The following RP1 variants were observed in gnomAD, a reference collection of about 807,000 sequenced individuals.
RP1 encodes the protein oxygen-regulated protein 1.
Under a neutral mutation model 14.8 loss-of-function variants are expected in RP1, and 16 were observed. The observed-to-expected ratio is 1.08, with a 90% CI of 0.73 to 1.65. RP1 has a LOEUF of 1.65. Among genes scored for constraint, RP1 ranks in the 40% most tolerant of loss-of-function variants. RP1 has a pLI of 0.00. For synonymous variants in RP1, 876 were observed against 883.6 expected, an observed-to-expected ratio of 0.99 and a Z score of 0.15; for missense variants, 2,631 against 2,535.0, an observed-to-expected ratio of 1.04 and a Z score of -0.81.
chr8:54,629,585 T>A lies in RP1; in HGVS notation c.5703T>A (p.Leu1901=). The A allele has an allele frequency of 6.2e-7, 1 of 1,614,046 alleles. No homozygotes were observed. The highest frequency in any genetic ancestry group is 8.5e-7 in the Non-Finnish European group (1 of 1,179,990). The change falls in exon 4 of 4, where the codon CTT becomes CTA. Residue 1901 remains leucine (L), a synonymous_variant. Coordinates refer to ENST00000220676, the MANE Select transcript of RP1 (RefSeq NM_006269.2). ...GCAGTAATATGATTCATGGTACACT[T>A]CAGGAAGCTGACTCTTTGGATAAAC... ...LPGSNMIHGT[L]QEADSLDKLY... is the part of the protein sequence containing the mutation.
intron 14 of RP1, among the ~76,000 whole-genome samples, chr8:54,702,488 T>C (rs547863366): frequency 6.6e-6 from 1 of 152,176 alleles, no homozygotes; most frequent in African/African-American, 2.4e-5. Flanking sequence ...AATTTAAAAA[T>C]ATTTTAGTGC....
At chr8:54,703,480 T>C (rs1036258164) in intron 14 of RP1, among the ~76,000 whole-genome samples, 2 of 152,194 alleles carry the variant, frequency 1.3e-5, no homozygotes, top group African/African-American at 4.8e-5. Context: ...TAAATAGATA[T>C]GCTGTCCTTC....
At chr8:54,714,252 A>G (rs1808353043) in intron 15 of RP1, among the ~76,000 whole-genome samples, 1 of 152,302 alleles carries the variant, frequency 6.6e-6, no homozygotes, top group African/African-American at 2.4e-5. Flanking sequence ...AACAAAGATA[A>G]TAACAGTCCC....
rs757348446 is a variant in RP1, at chr8:54,621,564, G to A, written c.598G>A (p.Ala200Thr). The change falls in exon 2 of 4, where the codon GCT becomes ACT. Residue 200 changes from alanine (A) to threonine (T), a missense_variant. Physicochemically the swap from Ala to Thr is moderately conservative, Grantham distance 58. Transcript: ENST00000220676. ...GCAGCGCCCTGTGGTCAAGCTGTAC[G>A]CTACGGACGGAAGGAGGGTGAGCGT... ...VMQRPVVKLYATDGRRVPSLQ... is the reference protein window; with the variant it reads ...VMQRPVVKLYTTDGRRVPSLQ... 1 of 1,614,154 alleles carries A rather than the reference G, an allele frequency of 6.2e-7. No homozygotes were observed. Among genetic ancestry groups the A allele is most frequent in the Non-Finnish European group, 8.5e-7 (1 of 1,180,014 alleles).
chr8:54,646,895 T>C (rs1474743340), intron 3 of RP1, among the ~76,000 whole-genome samples: 1 of 152,178 alleles, frequency 6.6e-6, no homozygotes, highest in Non-Finnish European at 1.5e-5. Context: ...AGAACTAACA[T>C]ACCAGTCATC....
intron 1 of RP1, among the ~76,000 whole-genome samples, chr8:54,567,654 T>A (rs1324416833): frequency 6.6e-6 from 1 of 152,178 alleles, no homozygotes; most frequent in Non-Finnish European, 1.5e-5. Flanking sequence ...ACCCTTCTTT[T>A]GTGTGGTAGA....
chr8:54,650,144 T>A (rs1000843511), intron 4 of RP1, among the ~76,000 whole-genome samples: 3 of 152,216 alleles, frequency 2.0e-5, no homozygotes, highest in African/African-American at 7.2e-5. Flanking sequence ...AGGAACACCC[T>A]TAACCCCTCA....
intron 6 of RP1, among the ~76,000 whole-genome samples, chr8:54,662,367 C>A (rs1806919412): frequency 6.6e-6 from 1 of 152,064 alleles, no homozygotes; most frequent in Non-Finnish European, 1.5e-5. Flanking sequence ...TTGGATCTTT[C>A]TTTTGGTCCT....
At chr8:54,759,632 C>G (rs1000950412) in intron 22 of RP1, among the ~76,000 whole-genome samples, 5 of 152,188 alleles carry the variant, frequency 3.3e-5, no homozygotes, top group African/African-American at 1.2e-4. Flanking sequence ...TTCAAATCTC[C>G]TCATAGAAAT....
intron 25 of RP1, among the ~76,000 whole-genome samples, chr8:54,841,421 A>G (rs1294783553): frequency 1.3e-5 from 2 of 152,214 alleles, no homozygotes; most frequent in Non-Finnish European, 2.9e-5. Flanking sequence ...AGTAGCACAA[A>G]AAGAGTGGTT....
intron 12 of RP1, among the ~76,000 whole-genome samples, chr8:54,693,295 A>T (rs916012881): frequency 2.6e-5 from 4 of 152,106 alleles, no homozygotes; most frequent in Non-Finnish European, 5.9e-5. Context: ...TGACTTGGTG[A>T]TGCGGGCTCT....
intron 3 of RP1, among the ~76,000 whole-genome samples, chr8:54,645,108 T>C (rs533677315): frequency 1.3e-5 from 2 of 152,314 alleles, no homozygotes; most frequent in Admixed American, 1.3e-4. Flanking sequence ...ATATCTTTTT[T>C]GAAGACAGAA....
At chr8:54,753,252 G>A (rs1041515083) in intron 19 of RP1, among the ~76,000 whole-genome samples, 2 of 152,188 alleles carry the variant, frequency 1.3e-5, no homozygotes, top group Admixed American at 6.5e-5. Context: ...TCTGTAACCT[G>A]TATTGACAAA....
intron 21 of RP1, among the ~76,000 whole-genome samples, chr8:54,758,176 A>G (rs551990768): frequency 7.2e-5 from 11 of 152,306 alleles, no homozygotes; most frequent in African/African-American, 2.4e-4. Flanking sequence ...AGACTTACTT[A>G]AATTCATGAT....
intron 25 of RP1, among the ~76,000 whole-genome samples, chr8:54,842,204 A>G (rs1445717050): frequency 6.6e-6 from 1 of 152,156 alleles, no homozygotes; most frequent in Non-Finnish European, 1.5e-5. Context: ...TCCACGAGAG[A>G]ACTATAGCTC....
chr8:54,803,333 T>C (rs899749081), intron 24 of RP1, among the ~76,000 whole-genome samples: 1 of 152,068 alleles, frequency 6.6e-6, no homozygotes, highest in African/African-American at 2.4e-5. Context: ...GATAACACAA[T>C]TAGATGTCAC....
intron 3 of RP1, among the ~76,000 whole-genome samples, chr8:54,638,300 T>C (rs1806389521): frequency 6.6e-6 from 1 of 152,074 alleles, no homozygotes; most frequent in Non-Finnish European, 1.5e-5. Flanking sequence ...TAGCCAGGCA[T>C]GGTGTTGTGC....
At position 54,628,509 on chromosome 8, in the gene RP1, G is replaced by A; in HGVS notation, c.4627G>A (p.Asp1543Asn). The change falls in exon 4 of 4, where the codon GAT (aspartate) becomes AAT (asparagine). Residue 1543 changes from aspartate to asparagine, a missense_variant. Physicochemically the swap from Asp to Asn is conservative, Grantham distance 23 (BLOSUM62 1). Transcript: ENST00000220676. ...ATPPSLDFCY[D>N]SKQNSEKETN... ...ACCACCATCTTTAGATTTTTGCTAT[G>A]ATTCTAAGCAAAATAGTGAAAAGGA... 1 of 1,613,858 alleles carries A rather than the reference G, an allele frequency of 6.2e-7. No individual in the cohort carries two copies. The highest frequency in any genetic ancestry group is 8.5e-7 in the Non-Finnish European group (1 of 1,179,900).
chr8:54,559,282 GC>G (rs1427550152), exon 1 of RP1: 2 of 152,118 alleles, frequency 1.3e-5, no homozygotes, highest in Non-Finnish European at 1.5e-5. Flanking sequence ...TATTCTAGAA[GC>G]AACTGAGGAG....
Sources: gnomAD v4.1 joint callset for allele counts (sites outside exome capture counted in the v4.1 genomes callset) on GRCh38, gnomAD v4.1.1 for gene constraint, MANE v1.5 for transcripts, NCBI Gene and HGNC (gene_info 2026-07-23, HGNC 2026-07-21) for gene names.